Variants in PARD3 observed in about 807,000 individuals in gnomAD.
PARD3 encodes par-3 family cell polarity regulator, also known as partitioning defective 3 homolog.
A neutral mutation model predicts 155.4 loss-of-function variants in PARD3; 75 were observed. The observed-to-expected ratio is 0.48, with a 90% confidence interval of 0.40 to 0.58. The LOEUF (loss-of-function observed/expected upper bound fraction) is 0.58, where lower values mean the gene tolerates loss of function less well. Among genes scored for constraint, PARD3 ranks in the 20% least tolerant of loss-of-function variants. PARD3 has a pLI of 0.00. For missense variants in PARD3, 1,642 were observed against 1,721.7 expected (o/e 0.95, Z 0.82); for synonymous variants, 576 against 610.5 (o/e 0.94, Z 0.83).
intron 5 of PARD3, among the ~76,000 whole-genome samples, chr10:34,420,398 T>C (rs768003096): frequency 3.9e-5 from 6 of 152,176 alleles, no homozygotes; most frequent in Non-Finnish European, 7.3e-5. Flanking sequence ...CATTCAAACT[T>C]TTAACAGTCA....
intron 2 of PARD3, among the ~76,000 whole-genome samples, chr10:34,683,392 AAAAC>A (rs1214617782): frequency 1.3e-5 from 2 of 151,856 alleles, no homozygotes; most frequent in African/African-American, 4.8e-5. Flanking sequence ...TCTGAAATTT[AAAAC>A]AAACAAACAA....
At chr10:34,323,078 C>G (rs1958473778) in intron 19 of PARD3, among the ~76,000 whole-genome samples, 1 of 152,158 alleles carries the variant, frequency 6.6e-6, no homozygotes, top group South Asian at 2.1e-4. Flanking sequence ...GATAATACAA[C>G]TAAATGAGGA....
In PARD3 at chr10:34,749,896, C is replaced by T. The variant is rs530027593; in HGVS notation, c.121-53477G>A. Reference sequence around the variant, plus strand: ...AGTTAGCTAGGTGTGGTGGTGTGCGCCTGTGGTCCCAGCTACTCAGGAGGC... The same window carrying T: ...AGTTAGCTAGGTGTGGTGGTGTGCGTCTGTGGTCCCAGCTACTCAGGAGGC... On this transcript the variant is annotated intron_variant, in intron 1 of 24. Coordinates refer to ENST00000374788, the MANE Select transcript of PARD3 (RefSeq NM_001184785.2). Among the ~76,000 whole-genome samples the T allele has an allele frequency of 3.9e-5, 6 of 152,170 alleles. No homozygotes were observed. The South Asian group carries it at 1.2e-3, about 32-fold the overall frequency.
intron 3 of PARD3, among the ~76,000 whole-genome samples, chr10:34,496,738 GAT>G (rs1176049885): frequency 1.3e-5 from 2 of 152,160 alleles, no homozygotes; most frequent in African/African-American, 4.8e-5. Flanking sequence ...AATCCGAAGA[GAT>G]ATATCAATCA....
At chr10:34,690,096 A>G (rs1052974626) in intron 2 of PARD3, among the ~76,000 whole-genome samples, 1 of 152,156 alleles carries the variant, frequency 6.6e-6, no homozygotes, top group African/African-American at 2.4e-5. Context: ...GGCACATGCC[A>G]CCACACCCAG....
chr10:34,147,708 T>C (rs1322137464), intron 22 of PARD3, among the ~76,000 whole-genome samples: 2 of 151,942 alleles, frequency 1.3e-5, no homozygotes, highest in African/African-American at 4.8e-5. Flanking sequence ...AATATTTGTT[T>C]TTCTCTTTAT....
At chr10:34,624,643 G>A (rs2091888248) in intron 2 of PARD3, among the ~76,000 whole-genome samples, 1 of 152,214 alleles carries the variant, frequency 6.6e-6, no homozygotes, top group Admixed American at 6.5e-5. Flanking sequence ...GGCTCCTCTG[G>A]GCCTCCCTAC....
chr10:34,273,347 A>C (rs1955720233), intron 21 of PARD3, among the ~76,000 whole-genome samples: 1 of 152,208 alleles, frequency 6.6e-6, no homozygotes, highest in Non-Finnish European at 1.5e-5. Context: ...AGCAACTTGA[A>C]TCTGTCTTAA....
chr10:34,514,555 C>T (rs1680780421), intron 3 of PARD3, among the ~76,000 whole-genome samples: 1 of 152,180 alleles, frequency 6.6e-6, no homozygotes, highest in Admixed American at 6.5e-5. Context: ...AGATGCTTAA[C>T]CCAATGCCTG....
rs1165591344 is a variant in PARD3, at chr10:34,605,948, CTATATATA to C, written c.223-88797_223-88790del. Among the ~76,000 whole-genome samples, 256 of 84,010 alleles carry C rather than the reference CTATATATA, an allele frequency of 3.0e-3. 32 individuals are homozygous for C. Among genetic ancestry groups the C allele is most frequent in the African/African-American group, 0.012 (193 of 16,532 alleles). 55.1% of individuals were successfully genotyped at this position (84,010 alleles called of 152,430 possible). ...TATATCTCCTATATATATATATCTC[CTATATATA>C]TATATCTCCTATATCTATATCTCCT... On this transcript the variant is annotated intron_variant, in intron 2 of 24. Transcript: ENST00000374788.
chr10:34,814,832 T>TCCCCCCCCCCCCCCCCCCCCCCC, intron 1 of PARD3, 44 bp downstream of exon 1: 1 of 1,202,350 alleles, frequency 8.3e-7, no homozygotes, highest in Non-Finnish European at 1.2e-6. Context: ...CCCGGCGCCG[T>TCCCCCCCCCCCCCCCCCCCCCCC]CCCCGCCGCC....
Position 34,359,368 on chromosome 10 carries a change from A to C in PARD3, c.1897-51T>G, listed in dbSNP as rs374830536. 45 of 1,333,478 alleles carry C rather than the reference A, an allele frequency of 3.4e-5. No homozygotes were observed. The African/African-American group carries it at 6.4e-4, about 19-fold the overall frequency. 82.6% of individuals were successfully genotyped at this position (1,333,478 alleles called of 1,614,324 possible). On this transcript the variant is annotated intron_variant, in intron 13 of 24. Coordinates refer to ENST00000374788, the MANE Select transcript of PARD3 (RefSeq NM_001184785.2). Reference sequence around the variant, plus strand: ...GTGCTATTAAACAGACTGCTATAAAAGAAGTAGCTTTTCCTTTAGTTAATA... The same window carrying C: ...GTGCTATTAAACAGACTGCTATAAACGAAGTAGCTTTTCCTTTAGTTAATA...
chr10:34,515,657 C>T (rs937745507), intron 3 of PARD3, among the ~76,000 whole-genome samples: 1 of 152,084 alleles, frequency 6.6e-6, no homozygotes, highest in Admixed American at 6.6e-5. Flanking sequence ...TTTATATACA[C>T]CTTCAAGGGA....
At chr10:34,716,845 G>C (rs955798538) in intron 1 of PARD3, among the ~76,000 whole-genome samples, 4 of 152,022 alleles carry the variant, frequency 2.6e-5, no homozygotes, top group African/African-American at 9.7e-5. Context: ...ACCTGCCTCG[G>C]CCTCCCAAAG....
intron 2 of PARD3, among the ~76,000 whole-genome samples, chr10:34,679,835 C>T (rs1168987781): frequency 6.6e-6 from 1 of 152,110 alleles, no homozygotes; most frequent in Non-Finnish European, 1.5e-5. Flanking sequence ...TATGTGAAAT[C>T]ACCAAATCAG....
At chr10:34,123,502 C>A (rs1947115557) in intron 23 of PARD3, among the ~76,000 whole-genome samples, 1 of 152,024 alleles carries the variant, frequency 6.6e-6, no homozygotes, top group Admixed American at 6.6e-5. Context: ...AGTACAGTGG[C>A]ACAATTACAG....
chr10:34,654,342 G>C (rs2093104579), intron 2 of PARD3, among the ~76,000 whole-genome samples: 1 of 152,144 alleles, frequency 6.6e-6, no homozygotes, highest in African/African-American at 2.4e-5. Context: ...CGGTACAATT[G>C]TTATCATGAT....
chr10:34,604,628 G>A (rs2090074187), intron 2 of PARD3, among the ~76,000 whole-genome samples: 1 of 148,018 alleles, frequency 6.8e-6, no homozygotes, highest in Admixed American at 6.8e-5. Context: ...ACATAAAGAT[G>A]TATATGATAT....
intron 22 of PARD3, among the ~76,000 whole-genome samples, chr10:34,166,818 C>T (rs1332610402): frequency 6.6e-6 from 1 of 152,092 alleles, no homozygotes; most frequent in African/African-American, 2.4e-5. Flanking sequence ...TAAACGAGAA[C>T]CTTAAAGATT....
Sources: gnomAD v4.1 joint callset for allele counts (sites outside exome capture counted in the v4.1 genomes callset) on GRCh38, gnomAD v4.1.1 for gene constraint, MANE v1.5 for transcripts, NCBI Gene and HGNC (gene_info 2026-07-23, HGNC 2026-07-21) for gene names.